Variants in LEPR observed in about 807,000 individuals in gnomAD.
The protein encoded by LEPR is OB receptor.
Under a neutral mutation model 114.7 loss-of-function variants are expected in LEPR, and 56 were observed. That is an observed-to-expected ratio of 0.49 (90% CI 0.39 to 0.61). The LOEUF is 0.61. Ranked by LOEUF, LEPR falls within the 20% of genes least tolerant of loss-of-function variation. The probability of loss-of-function intolerance (pLI) is 0.00; values close to 1 mark genes in which losing one functional copy is unlikely to be tolerated. For synonymous variants in LEPR, 443 were observed against 461.4 expected (o/e 0.96, Z 0.51); for missense variants, 1,202 against 1,352.9 (o/e 0.89, Z 1.75).
In LEPR at chr1:65,537,755, A is replaced by G. The variant is rs188713764; in HGVS notation, c.-20-27791A>G. ...GTGGTGAGAGTATTGATAATATTTT[A>G]GGTTTAGTATTTGTTATTAAATTTT... On this transcript the variant is annotated intron_variant, in intron 2 of 19. Coordinates refer to ENST00000349533, the MANE Select transcript of LEPR (RefSeq NM_002303.6). Among the ~76,000 whole-genome samples the G allele has an allele frequency of 5.3e-5, 8 of 152,274 alleles. No homozygotes were observed. The South Asian group carries it at 1.0e-3, about 20-fold the overall frequency.
At chr1:65,635,809 T>G (rs186867444) in intron 19 of LEPR, among the ~76,000 whole-genome samples, 65 of 152,298 alleles carry the variant, frequency 4.3e-4, no homozygotes, top group African/African-American at 1.5e-3. Flanking sequence ...CTTCAGAAGA[T>G]AGCATTTTCC....
intron 2 of LEPR, chr1:65,435,116 G>C (rs1411910323): frequency 1.0e-6 from 1 of 985,278 alleles, no homozygotes; most frequent in Non-Finnish European, 1.2e-6. Flanking sequence ...TTTTGGGACA[G>C]GGAAAATCCT....
intron 2 of LEPR, chr1:65,493,887 A>T (rs1010598300): frequency 1.3e-5 from 2 of 152,162 alleles, no homozygotes; most frequent in African/African-American, 4.8e-5. Flanking sequence ...CTGTCAACAG[A>T]CCTGGATTCT....
intron 2 of LEPR, among the ~76,000 whole-genome samples, chr1:65,547,989 G>C (rs1241583356): frequency 6.6e-6 from 1 of 151,696 alleles, no homozygotes; most frequent in South Asian, 2.1e-4. Context: ...ATGTGTCCCA[G>C]AGATTCTGGT....
At chr1:65,489,097 C>T (rs1647731778) in intron 2 of LEPR, among the ~76,000 whole-genome samples, 2 of 152,148 alleles carry the variant, frequency 1.3e-5, no homozygotes, top group Middle Eastern at 3.2e-3. Context: ...GCAGATATCT[C>T]TTCAACATAC....
chr1:65,573,151 T>C (rs765192200), intron 5 of LEPR, among the ~76,000 whole-genome samples: 47 of 152,212 alleles, frequency 3.1e-4, no homozygotes, highest in Non-Finnish European at 5.6e-4. Context: ...AACAGTGGCA[T>C]ATGGCCAAGG....
intron 14 of LEPR, among the ~76,000 whole-genome samples, chr1:65,610,984 G>A (rs1657130875): frequency 6.6e-6 from 1 of 152,130 alleles, no homozygotes; most frequent in South Asian, 2.1e-4. Context: ...TAAGACCAAA[G>A]CCTCTGTAAA....
chr1:65,590,615 T>G (rs990295089), intron 5 of LEPR, among the ~76,000 whole-genome samples: 1 of 152,026 alleles, frequency 6.6e-6, no homozygotes, highest in Non-Finnish European at 1.5e-5. Flanking sequence ...ACCATGATTC[T>G]AAGTTTCCTG....
chr1:65,538,619 C>A (rs1402756791), intron 2 of LEPR, among the ~76,000 whole-genome samples: 2 of 152,110 alleles, frequency 1.3e-5, no homozygotes, highest in Non-Finnish European at 2.9e-5. Flanking sequence ...AAAGAATTTT[C>A]TATAAGTCAG....
At chr1:65,489,884 G>C (rs1647773961) in intron 2 of LEPR, among the ~76,000 whole-genome samples, 1 of 152,086 alleles carries the variant, frequency 6.6e-6, no homozygotes, top group African/African-American at 2.4e-5. Context: ...GAGGGGACTT[G>C]ATAAAGAAGG....
chr1:65,570,661 A>G lies in LEPR; in HGVS notation c.229A>G (p.Thr77Ala), dbSNP rs766147770. The change falls in exon 4 of 20, where the codon ACT becomes GCT. Residue 77 changes from threonine (T) to alanine (A), a missense_variant. Transcript: ENST00000349533. ...AVEPKFNSSG[T>A]HFSNLSKTTF... ...TGAACCTAAGTTTAATTCAAGTGGT[A>G]CTCACTTTTCTAACTTATCCAAAAC... The G allele has an allele frequency of 1.9e-6, 3 of 1,613,960 alleles. No individual in the cohort carries two copies. Among genetic ancestry groups the G allele is most frequent in the Non-Finnish European group, 2.5e-6 (3 of 1,179,916 alleles).
intron 2 of LEPR, chr1:65,525,711 C>A (rs1649901536): frequency 1.0e-6 from 1 of 985,612 alleles, no homozygotes; most frequent in African/African-American, 1.7e-5. Flanking sequence ...GAGTTCGGAG[C>A]GGCCCCATCG....
At chr1:65,609,008 C>A in intron 12 of LEPR, 107 bp downstream of exon 12, 1 of 1,408,442 alleles carries the variant, frequency 7.1e-7, no homozygotes, top group Non-Finnish European at 9.9e-7. Context: ...GTACATTCTC[C>A]TGTATTGTGT....
intron 2 of LEPR, chr1:65,429,720 T>G: frequency 1.5e-6 from 1 of 672,628 alleles, no homozygotes; most frequent in Non-Finnish European, 2.3e-6. Flanking sequence ...GTAGAAATCA[T>G]CTTATGTTCT....
chr1:65,569,239 A>G (rs1308580527), intron 3 of LEPR, among the ~76,000 whole-genome samples: 1 of 152,244 alleles, frequency 6.6e-6, no homozygotes, highest in East Asian at 1.9e-4. Context: ...ATTTCCTTAC[A>G]TTATTACATT....
intron 3 of LEPR, among the ~76,000 whole-genome samples, chr1:65,569,203 T>C (rs1570716774): frequency 6.6e-6 from 1 of 152,324 alleles, no homozygotes; most frequent in East Asian, 1.9e-4. Context: ...CCCATTCACC[T>C]ACTGATGAAC....
At chr1:65,558,125 A>G (rs1272155195) in intron 2 of LEPR, among the ~76,000 whole-genome samples, 1 of 152,180 alleles carries the variant, frequency 6.6e-6, no homozygotes, top group African/African-American at 2.4e-5. Flanking sequence ...ACACATCTTG[A>G]CTATAAAACT....
chr1:65,478,947 C>T (rs1454556361), intron 2 of LEPR, among the ~76,000 whole-genome samples: 1 of 152,158 alleles, frequency 6.6e-6, no homozygotes, highest in Non-Finnish European at 1.5e-5. Context: ...TGGTCAGGGC[C>T]AAACAAGATT....
chr1:65,521,263 C>T (rs946888122), intron 2 of LEPR, among the ~76,000 whole-genome samples: 18 of 152,152 alleles, frequency 1.2e-4, no homozygotes, highest in African/African-American at 2.9e-4. Context: ...ATTAAATGAG[C>T]GCTGGCAGTG....
Sources: allele counts gnomAD v4.1 joint callset (sites outside exome capture counted in the v4.1 genomes callset), GRCh38; gene constraint gnomAD v4.1.1; transcripts MANE v1.5; gene names NCBI Gene and HGNC (gene_info 2026-07-23, HGNC 2026-07-21).